Variants in MEGF6 observed in about 807,000 individuals in gnomAD.
MEGF6 encodes the protein multiple epidermal growth factor-like domains protein 6.
Under a neutral mutation model 207.1 loss-of-function variants are expected in MEGF6, and 184 were observed. The observed-to-expected ratio is 0.89, with a 90% CI of 0.79 to 1.00. The LOEUF is 1.00. Ranked by LOEUF, MEGF6 falls within the 50% of genes least tolerant of loss-of-function variation. The probability of loss-of-function intolerance (pLI) is 0.00; values close to 1 mark genes in which losing one functional copy is unlikely to be tolerated. For synonymous variants in MEGF6, 1,038 were observed against 910.0 expected, an observed-to-expected ratio of 1.14 and a Z score of -2.53; for missense variants, 2,282 against 2,202.9, an observed-to-expected ratio of 1.04 and a Z score of -0.72.
intron 3 of MEGF6, among the ~76,000 whole-genome samples, chr1:3,581,903 C>T (rs540970638): frequency 2.6e-5 from 4 of 152,322 alleles, no homozygotes; most frequent in South Asian, 4.1e-4. Flanking sequence ...CCCTGTGTCC[C>T]TCCCCTAAAC....
intron 4 of MEGF6, among the ~76,000 whole-genome samples, chr1:3,539,628 C>A (rs1288579888): frequency 1.3e-5 from 2 of 152,178 alleles, no homozygotes; most frequent in African/African-American, 4.8e-5. Context: ...TCATGAGTAG[C>A]CCCTGGGAAA....
chr1:3,567,699 C>T (rs1363369961), intron 4 of MEGF6, among the ~76,000 whole-genome samples: 1 of 152,224 alleles, frequency 6.6e-6, no homozygotes, highest in East Asian at 1.9e-4. Context: ...AGAGCGTCAC[C>T]CTGCAGGCCG....
chr1:3,510,101 G>A (rs1641282219), intron 10 of MEGF6, 109 bp from the exon 11 acceptor site: 1 of 1,393,232 alleles, frequency 7.2e-7, no homozygotes, highest in Admixed American at 2.7e-5. Context: ...GGCCCTGCCA[G>A]AGCTGAGTAG....
chr1:3,543,615 G>A (rs983873596), intron 4 of MEGF6, among the ~76,000 whole-genome samples: 2 of 152,210 alleles, frequency 1.3e-5, no homozygotes, highest in Admixed American at 6.5e-5. Context: ...GAGAGGAAGC[G>A]TCGGCACTGC....
intron 2 of MEGF6, among the ~76,000 whole-genome samples, chr1:3,597,633 G>A (rs1432887298): frequency 6.6e-6 from 1 of 152,218 alleles, no homozygotes; most frequent in Non-Finnish European, 1.5e-5. Context: ...GCAGGCACAG[G>A]GGATGGCTGT....
chr1:3,606,572 G>C (rs551776734), intron 1 of MEGF6, among the ~76,000 whole-genome samples: 4 of 152,212 alleles, frequency 2.6e-5, no homozygotes, highest in Non-Finnish European at 5.9e-5. Flanking sequence ...GCACAGAAAA[G>C]GGCTCCCGAC....
intron 17 of MEGF6, 42 bp downstream of exon 17, chr1:3,505,166 C>T: frequency 6.2e-7 from 1 of 1,602,736 alleles, no homozygotes; most frequent in Non-Finnish European, 8.5e-7. Context: ...AGCCTACACC[C>T]CACAATGAGA....
chr1:3,592,491 A>G (rs1643995585), intron 3 of MEGF6, among the ~76,000 whole-genome samples: 1 of 152,086 alleles, frequency 6.6e-6, no homozygotes, highest in Non-Finnish European at 1.5e-5. Context: ...ATCTGCTCAC[A>G]GTCAGCATCC....
upstream of MEGF6, among the ~76,000 whole-genome samples, chr1:3,614,536 C>T (rs537244283): frequency 1.3e-5 from 2 of 152,324 alleles, no homozygotes; most frequent in Non-Finnish European, 2.9e-5. Flanking sequence ...AATAAAGTGA[C>T]AGTCTGTGGG....
rs1244311679 is a variant in MEGF6, at chr1:3,595,436, T to C, written c.278A>G (p.Tyr93Cys). ...GGTATACACCTGCCTGTAGCCCATG[T>C]AGTAGACGGTTCTAGAAAGAAAGAG... ...CVGHERRTVYYMGYRQVYTTE... is the reference protein window; with the variant it reads ...CVGHERRTVYCMGYRQVYTTE... The change falls in exon 3 of 37, where the codon TAC becomes TGC. Residue 93 changes from tyrosine (Y) to cysteine (C), a missense_variant. Coordinates refer to ENST00000356575, the MANE Select transcript of MEGF6 (RefSeq NM_001409.4). 6.2e-7 allele frequency: 1 copy of C among 1,612,302 alleles called. No homozygotes were observed. Among genetic ancestry groups the C allele is most frequent in the African/African-American group, 1.3e-5 (1 of 74,918 alleles).
chr1:3,579,035 G>A (rs1171896337), intron 4 of MEGF6, among the ~76,000 whole-genome samples: 1 of 152,260 alleles, frequency 6.6e-6, no homozygotes, highest in Non-Finnish European at 1.5e-5. Flanking sequence ...GCATCTGCCT[G>A]GCATGGAGCC....
intron 4 of MEGF6, among the ~76,000 whole-genome samples, chr1:3,531,601 A>T (rs1642176700): frequency 6.6e-6 from 1 of 150,882 alleles, no homozygotes; most frequent in Admixed American, 6.6e-5. Flanking sequence ...CCGGACCCGG[A>T]CGCAGATAGG....
At chr1:3,607,660 T>C (rs1016647786) in intron 1 of MEGF6, among the ~76,000 whole-genome samples, 3 of 152,278 alleles carry the variant, frequency 2.0e-5, no homozygotes, top group Middle Eastern at 3.4e-3. Flanking sequence ...GAGAACCCAA[T>C]AAAGCACCTG....
At chr1:3,530,333 A>C (rs533698272) in intron 4 of MEGF6, among the ~76,000 whole-genome samples, 2 of 152,170 alleles carry the variant, frequency 1.3e-5, no homozygotes, top group Non-Finnish European at 2.9e-5. Flanking sequence ...GTCTCTAAGG[A>C]GCCATTTCAG....
At chr1:3,550,316 G>A (rs543702014) in intron 4 of MEGF6, among the ~76,000 whole-genome samples, 5 of 152,350 alleles carry the variant, frequency 3.3e-5, no homozygotes, top group South Asian at 2.1e-4. Flanking sequence ...CATGGAGGAC[G>A]ACAGCGAGGA....
intron 12 of MEGF6, 53 bp downstream of exon 12, chr1:3,509,022 G>A (rs1641225746): frequency 1.8e-5 from 26 of 1,462,978 alleles, no homozygotes; most frequent in South Asian, 1.1e-4. Context: ...CCGAGGGGTC[G>A]CTGGCTGCTG....
chr1:3,509,091 C>A lies in MEGF6; in HGVS notation c.1512G>T (p.Thr504=). The A allele has an allele frequency of 6.3e-7, 1 of 1,596,330 alleles. No individual in the cohort carries two copies. Among genetic ancestry groups the A allele is most frequent in the South Asian group, 1.1e-5 (1 of 88,674 alleles). ...EEEAELRGEH[T]LTEKFVCLDD... is the part of the protein sequence containing the mutation. ...CGCGCTCACCAAACTTCTCTGTGAG[C>A]GTGTGTTCGCCCCGCAACTCTGCCT... The change falls in exon 12 of 37, where the codon ACG becomes ACT. Residue 504 remains threonine (T), a synonymous_variant. Coordinates refer to ENST00000356575, the MANE Select transcript of MEGF6 (RefSeq NM_001409.4).
rs566675838 is a variant in MEGF6 at position 3,560,413 on chromosome 1, G to A, written c.481+19412C>T. The stretch of plus-strand genomic sequence containing the variant: ...CCTGGATCCACCATTGTAAGATCAC[G>A]CAGAGGAGTTCCTGCCCTAAAAATC... On this transcript the variant is annotated intron_variant, in intron 4 of 36. Coordinates refer to ENST00000356575, the MANE Select transcript of MEGF6 (RefSeq NM_001409.4). This position sits in a 1 kb window ranked among gnomAD's most constrained non-coding sequence, Gnocchi z 4.0. Among the ~76,000 whole-genome samples, 1 of 152,136 alleles carries A rather than the reference G, an allele frequency of 6.6e-6. No homozygotes were observed. Among genetic ancestry groups the A allele is most frequent in the Non-Finnish European group, 1.5e-5 (1 of 68,028 alleles).
At chr1:3,497,609 C>T in intron 26 of MEGF6, 1 of 677,846 alleles carries the variant, frequency 1.5e-6, no homozygotes, top group Admixed American at 2.1e-5. Flanking sequence ...CCCGAATGTG[C>T]CCTTGGCACA....
Sources: gnomAD v4.1 joint callset for allele counts (sites outside exome capture counted in the v4.1 genomes callset) on GRCh38, gnomAD v4.1.1 for gene constraint, Gnocchi (gnomAD v3.1) non-coding constraint, MANE v1.5 for transcripts, NCBI Gene and HGNC (gene_info 2026-07-23, HGNC 2026-07-21) for gene names.